TMEM234: variants seen among roughly 807,000 people sequenced by gnomAD.
The protein encoded by TMEM234 is transmembrane protein 234.
TMEM234 carries 21 observed loss-of-function variants against 17.8 expected under a neutral mutation model. The ratio of observed to expected loss-of-function variants is 1.18; its 90% confidence interval spans 0.84 to 1.70. The LOEUF (loss-of-function observed/expected upper bound fraction) is 1.70. TMEM234 is among the 40% of genes most tolerant of loss of function. The pLI, the probability that TMEM234 is intolerant of heterozygous loss-of-function variation, is 0.00. For missense variants in TMEM234, 137 were observed against 166.9 expected (o/e 0.82, Z 0.99); for synonymous variants, 83 against 73.5 (o/e 1.13, Z -0.66).
chr1:32,216,631 A>G lies in TMEM234; in HGVS notation c.*222T>C, dbSNP rs1638410155. 6.5e-7 allele frequency: 1 copy of G among 1,527,092 alleles called. No individual in the cohort carries two copies. The highest frequency in any genetic ancestry group is 8.8e-7 in the Non-Finnish European group (1 of 1,131,942). The allele number at this position is 1,527,092 out of a possible 1,614,324, so 94.6% of individuals were successfully genotyped here. A position where few individuals can be genotyped will look rare whatever the true frequency, so the allele number is the denominator to read the frequency against. ...GAAAGGTTGCTGAGGGTGAGCGTAG[A>G]GTCTCCTGTGCTAAATCCCCGCAGC... On this transcript the variant is annotated 3_prime_UTR_variant, in exon 5 of 5. Coordinates refer to ENST00000309777, the MANE Select transcript of TMEM234 (RefSeq NM_019118.5).
At chr1:32,215,878 C>T (rs1044749327), downstream of TMEM234, 7 of 1,551,282 alleles carry the variant, frequency 4.5e-6, no homozygotes, top group Admixed American at 5.9e-5. Context: ...TCAGCCTCAG[C>T]CCCAGCTCTG....
downstream of TMEM234, chr1:32,216,164 G>T: frequency 1.3e-6 from 1 of 754,480 alleles, no homozygotes; most frequent in South Asian, 1.9e-5. Context: ...CTGGGAGAGG[G>T]TTTGTCACAA....
At chr1:32,219,355 CT>C (rs1638689906) in intron 3 of TMEM234, among the ~76,000 whole-genome samples, 1 of 152,166 alleles carries the variant, frequency 6.6e-6, no homozygotes, top group Non-Finnish European at 1.5e-5. Context: ...TACAACCCCA[CT>C]TACAAAGAGC....
rs1484521109 is a variant in TMEM234, at chr1:32,216,916, T to C, written c.360A>G (p.Ile120Met). 2 of 1,614,070 alleles carry C rather than the reference T, an allele frequency of 1.2e-6. No homozygotes were observed. ...RAVAGMVLTV[I>M]GISLCITSSV... ...AGCTTGTGATGCAGAGTGAAATTCC[T>C]ATCACGGTGAGCACCATGCCAGCAA... is the stretch of plus-strand genomic sequence containing the variant. The change falls in exon 5 of 5, where the codon ATA (isoleucine) becomes ATG (methionine). Residue 120 changes from isoleucine to methionine, a missense_variant. Coordinates refer to ENST00000309777, the MANE Select transcript of TMEM234 (RefSeq NM_019118.5).
Position 32,216,626 on chromosome 1 carries a change from C to A in TMEM234, c.*227G>T, listed in dbSNP as rs1243672960. ...GGGCAGAAAGGTTGCTGAGGGTGAGCGTAGAGTCTCCTGTGCTAAATCCCC... is the reference window on the plus strand; with the variant it reads ...GGGCAGAAAGGTTGCTGAGGGTGAGAGTAGAGTCTCCTGTGCTAAATCCCC... On this transcript the variant is annotated 3_prime_UTR_variant, in exon 5 of 5. Transcript: ENST00000309777. 16 of 1,528,132 alleles carry A rather than the reference C, an allele frequency of 1.0e-5. No homozygotes were observed. The highest frequency in any genetic ancestry group is 1.3e-5 in the Non-Finnish European group (15 of 1,132,566). 94.7% of individuals were successfully genotyped at this position (1,528,132 alleles called of 1,614,324 possible).
At chr1:32,215,589 C>T (rs1557536419), downstream of TMEM234, 1 of 1,573,950 alleles carries the variant, frequency 6.4e-7, no homozygotes. Context: ...GGGAGGAGCT[C>T]TGAGCTGGAA....
intron 3 of TMEM234, among the ~76,000 whole-genome samples, chr1:32,217,873 A>C (rs1381497954): frequency 6.6e-6 from 1 of 152,150 alleles, no homozygotes; most frequent in African/African-American, 2.4e-5. Flanking sequence ...GGCTTGCCTG[A>C]CTCCAAAGCC....
At chr1:32,219,681 CCTT>C (rs1289417588) in intron 3 of TMEM234, among the ~76,000 whole-genome samples, 7 of 152,220 alleles carry the variant, frequency 4.6e-5, no homozygotes, top group African/African-American at 1.7e-4. Flanking sequence ...CCCAGAGCTG[CCTT>C]CTTAAGTTTA....
chr1:32,221,281 C>A (rs1638885111), intron 2 of TMEM234, 84 bp from the exon 3 acceptor site: 2 of 1,098,046 alleles, frequency 1.8e-6, no homozygotes, highest in Admixed American at 3.9e-5. Context: ...AATGTCTTTC[C>A]TTGGAGGGAG....
At chr1:32,221,789 A>C in intron 2 of TMEM234, 78 bp downstream of exon 2, 1 of 1,586,104 alleles carries the variant, frequency 6.3e-7, no homozygotes, top group Non-Finnish European at 8.6e-7. Context: ...GGTGGGGCTG[A>C]CCCAGACCTG....
chr1:32,216,239 G>T lies in TMEM234; in HGVS notation c.*614C>A. The T allele has an allele frequency of 7.9e-7, 1 of 1,269,046 alleles. No individual in the cohort carries two copies. The highest frequency in any genetic ancestry group is 1.1e-6 in the Non-Finnish European group (1 of 938,964). The allele number at this position is 1,269,046 out of a possible 1,614,324, so 78.6% of individuals were successfully genotyped here. Reference sequence around the variant, plus strand: ...ATTTATTGACAGCTACTACTCGCCAGGTGTGCTGGAGTCAGGTGGGGCTGG... The same window carrying T: ...ATTTATTGACAGCTACTACTCGCCATGTGTGCTGGAGTCAGGTGGGGCTGG... On this transcript the variant is annotated 3_prime_UTR_variant, in exon 5 of 5. Transcript: ENST00000309777.
At chr1:32,219,099 C>T (rs1466295217) in intron 3 of TMEM234, among the ~76,000 whole-genome samples, 5 of 136,654 alleles carry the variant, frequency 3.7e-5, no homozygotes, top group South Asian at 2.4e-4. Flanking sequence ...GCAACAAGAG[C>T]GAAATGCCGT....
intron 1 of TMEM234, 54 bp downstream of exon 1, chr1:32,222,253 T>C: frequency 6.5e-7 from 1 of 1,528,230 alleles, no homozygotes; most frequent in East Asian, 2.3e-5. Flanking sequence ...GAGCAGGAAA[T>C]GAATTCGAGG....
chr1:32,221,063 CG>C, intron 3 of TMEM234, 67 bp downstream of exon 3: 1 of 1,360,432 alleles, frequency 7.4e-7, no homozygotes, highest in Non-Finnish European at 1.0e-6. Context: ...AGCTCCACCC[CG>C]CCCCCCCCAA....
In TMEM234 at chr1:32,216,645, A is replaced by C. The variant is rs560434987; in HGVS notation, c.*208T>G. The C allele has an allele frequency of 6.6e-7, 1 of 1,515,188 alleles. No individual in the cohort carries two copies. Among genetic ancestry groups the C allele is most frequent in the East Asian group, 2.5e-5 (1 of 40,360 alleles). The allele number at this position is 1,515,188 out of a possible 1,614,324, so 93.9% of individuals were successfully genotyped here. A position where few individuals can be genotyped will look rare whatever the true frequency, so the allele number is the denominator to read the frequency against. On this transcript the variant is annotated 3_prime_UTR_variant, in exon 5 of 5. Coordinates refer to ENST00000309777, the MANE Select transcript of TMEM234 (RefSeq NM_019118.5). The stretch of plus-strand genomic sequence containing the variant: ...GGTGAGCGTAGAGTCTCCTGTGCTA[A>C]ATCCCCGCAGCTGAACAGCACTTGA...
chr1:32,218,278 T>C (rs1638592811), intron 3 of TMEM234, among the ~76,000 whole-genome samples: 1 of 149,702 alleles, frequency 6.7e-6, no homozygotes, highest in Non-Finnish European at 1.5e-5. Flanking sequence ...TACCAAAAAT[T>C]AGCCAGGCAT....
At chr1:32,221,795 A>C in intron 2 of TMEM234, 72 bp downstream of exon 2, 2 of 1,592,660 alleles carry the variant, frequency 1.3e-6, no homozygotes, top group Non-Finnish European at 1.7e-6. Context: ...GCTGACCCAG[A>C]CCTGTTTGAC....
chr1:32,217,652 G>C, intron 3 of TMEM234: 1 of 556,644 alleles, frequency 1.8e-6, no homozygotes. Flanking sequence ...TGGACGGACA[G>C]GCAGGCACCC....
At chr1:32,214,968 G>T, downstream of TMEM234, 1 of 1,612,410 alleles carries the variant, frequency 6.2e-7, no homozygotes, top group Non-Finnish European at 8.5e-7. Flanking sequence ...CTTCTCAGCT[G>T]CCCTTTGACA....
Sources: gnomAD v4.1 joint callset for allele counts (sites outside exome capture counted in the v4.1 genomes callset) on GRCh38, gnomAD v4.1.1 for gene constraint, MANE v1.5 for transcripts, NCBI Gene and HGNC (gene_info 2026-07-23, HGNC 2026-07-21) for gene names.